The following TRPC7 variants were observed in gnomAD, a reference collection of about 807,000 sequenced individuals.
TRPC7 encodes short transient receptor potential channel 7.
A neutral mutation model predicts 90.1 loss-of-function variants in TRPC7; 42 were observed. The ratio of observed to expected loss-of-function variants is 0.47; its 90% CI spans 0.36 to 0.60. The LOEUF (loss-of-function observed/expected upper bound fraction) is 0.60. TRPC7 is among the 20% of genes least tolerant of loss of function. The pLI is 0.00. For synonymous variants in TRPC7, 451 were observed against 436.3 expected (o/e 1.03, Z -0.42); for missense variants, 955 against 1,112.3 (o/e 0.86, Z 2.01).
intron 1 of TRPC7, among the ~76,000 whole-genome samples, chr5:136,359,043 T>C (rs1179414554): frequency 6.6e-6 from 1 of 152,222 alleles, no homozygotes; most frequent in African/African-American, 2.4e-5. Context: ...CAAACAAAAA[T>C]GATCACAGAG....
At chr5:136,313,673 G>A (rs959470707) in intron 3 of TRPC7, among the ~76,000 whole-genome samples, 1 of 152,182 alleles carries the variant, frequency 6.6e-6, no homozygotes, top group Non-Finnish European at 1.5e-5. Flanking sequence ...TTGAGAAAAT[G>A]TATCCCTTGA....
chr5:136,304,831 T>G (rs1006423837), intron 3 of TRPC7, among the ~76,000 whole-genome samples: 1 of 152,106 alleles, frequency 6.6e-6, no homozygotes, highest in Non-Finnish European at 1.5e-5. Flanking sequence ...AAACAACAAC[T>G]CCTTTCCTTC....
At chr5:136,230,588 T>G (rs1209449255) in intron 8 of TRPC7, among the ~76,000 whole-genome samples, 1 of 152,206 alleles carries the variant, frequency 6.6e-6, no homozygotes, top group Non-Finnish European at 1.5e-5. Context: ...CAGCATCCCA[T>G]TTTTCAGATG....
intron 10 of TRPC7, 52 bp from the exon 11 acceptor site, chr5:136,216,327 C>A: frequency 6.8e-7 from 1 of 1,459,934 alleles, no homozygotes. Context: ...AATGCAGAGG[C>A]AGCCTGCGTG....
Position 136,356,761 on chromosome 5 carries a change from T to C in TRPC7, c.627A>G (p.Lys209=). The C allele has an allele frequency of 6.2e-7, 1 of 1,612,272 alleles. No homozygotes were observed. Among genetic ancestry groups the C allele is most frequent in the Non-Finnish European group, 8.5e-7 (1 of 1,178,932 alleles). Residue 209 remains lysine, a synonymous_variant, in exon 2 of 12, where the codon AAA becomes AAG. Coordinates refer to ENST00000513104, the MANE Select transcript of TRPC7 (RefSeq NM_020389.3). ...GCGAGCGCGAGTGGCTGAAGGAGTC[T>C]TTCCGCTGTTTCTCGGTGCACTCAT... is the stretch of plus-strand genomic sequence containing the variant. The part of the protein sequence containing the change: ...KCNECTEKQR[K]DSFSHSRSRM...
chr5:136,241,487 C>T (rs1053831893), intron 7 of TRPC7, among the ~76,000 whole-genome samples: 12 of 152,192 alleles, frequency 7.9e-5, no homozygotes, highest in African/African-American at 2.7e-4. Context: ...GCCTCCGGCC[C>T]CTCCTATTCT....
intron 3 of TRPC7, among the ~76,000 whole-genome samples, chr5:136,292,959 C>T (rs1405270647): frequency 6.6e-6 from 1 of 152,202 alleles, no homozygotes; most frequent in Non-Finnish European, 1.5e-5. Context: ...ATCAAGTGGG[C>T]TTCATCCCTG....
At chr5:136,267,823 A>G (rs1427611320) in intron 4 of TRPC7, among the ~76,000 whole-genome samples, 2 of 152,228 alleles carry the variant, frequency 1.3e-5, no homozygotes, top group Non-Finnish European at 2.9e-5. Context: ...ATTCATCTGC[A>G]TATTGTCATA....
At chr5:136,285,089 C>A (rs576971615) in intron 3 of TRPC7, among the ~76,000 whole-genome samples, 44 of 152,270 alleles carry the variant, frequency 2.9e-4, no homozygotes, top group African/African-American at 1.0e-3. Flanking sequence ...AGCCTCAGAA[C>A]CTGGCATGTT....
intron 2 of TRPC7, among the ~76,000 whole-genome samples, chr5:136,352,835 T>C (rs1760241213): frequency 6.6e-6 from 1 of 152,228 alleles, no homozygotes; most frequent in South Asian, 2.1e-4. Flanking sequence ...TTAATGTGTA[T>C]GGACTTTGTG....
chr5:136,273,026 CA>C (rs1757255287), intron 4 of TRPC7, among the ~76,000 whole-genome samples: 1 of 152,218 alleles, frequency 6.6e-6, no homozygotes, highest in African/African-American at 2.4e-5. Flanking sequence ...AGAGGCAAGC[CA>C]GTTTGCTCCT....
At position 136,266,340 on chromosome 5, in the gene TRPC7, G is replaced by A. The variant is rs780523861; in HGVS notation, c.1225C>T (p.Arg409Ter). The A allele has an allele frequency of 1.9e-6, 3 of 1,613,810 alleles. No homozygotes were observed. The highest frequency in any genetic ancestry group is 2.7e-5 in the African/African-American group (2 of 75,010). ...LGLLVVNASD[R>*]FEGVKTLPNE... ...GGCAGGGTTTTAACACCTTCAAATCGGTCAGATGCATTCACAACTAATAAT... is the reference window on the plus strand; with the variant it reads ...GGCAGGGTTTTAACACCTTCAAATCAGTCAGATGCATTCACAACTAATAAT... The change falls in exon 5 of 12, where the codon CGA becomes TGA. Residue 409 changes from arginine to a stop codon, truncating the protein, a stop_gained. Transcript: ENST00000513104. LOFTEE classifies it high-confidence loss of function.
chr5:136,290,838 G>A (rs1191459125), intron 3 of TRPC7, among the ~76,000 whole-genome samples: 6 of 152,156 alleles, frequency 3.9e-5, no homozygotes, highest in Non-Finnish European at 8.8e-5. Flanking sequence ...AAACATAATT[G>A]TCAGATTCAC....
chr5:136,323,553 T>G (rs1759261576), intron 2 of TRPC7, among the ~76,000 whole-genome samples: 1 of 152,040 alleles, frequency 6.6e-6, no homozygotes, highest in Non-Finnish European at 1.5e-5. Context: ...TTATTGCACA[T>G]GGATGTTCAT....
chr5:136,316,761 C>A lies in TRPC7; in HGVS notation c.781-982G>T, dbSNP rs530561130. Among the ~76,000 whole-genome samples the A allele has an allele frequency of 3.3e-5, 5 of 152,268 alleles. No individual in the cohort carries two copies. The South Asian group carries it at 1.0e-3, about 32-fold the overall frequency. ...ACCTCTCCTCCCCAAAAATATTTTC[C>A]CTCAGAGGCCTCCTTGCTGGTTTCT... On this transcript the variant is annotated intron_variant, in intron 2 of 11. Transcript: ENST00000513104.
intron 5 of TRPC7, among the ~76,000 whole-genome samples, chr5:136,254,337 G>C (rs1013680604): frequency 6.6e-6 from 1 of 152,186 alleles, no homozygotes; most frequent in South Asian, 2.1e-4. Flanking sequence ...TGGTTTCAAA[G>C]CTGTGTAGGG....
intron 3 of TRPC7, among the ~76,000 whole-genome samples, chr5:136,292,400 G>A (rs1757990209): frequency 1.3e-5 from 2 of 152,034 alleles, no homozygotes; most frequent in African/African-American, 4.8e-5. Flanking sequence ...CCACTAGCAA[G>A]ACTAATAAAG....
intron 5 of TRPC7, among the ~76,000 whole-genome samples, chr5:136,257,455 G>A (rs1003082482): frequency 6.6e-6 from 1 of 152,078 alleles, no homozygotes; most frequent in African/African-American, 2.4e-5. Context: ...TGCTGGGATT[G>A]CAGGCATGAG....
At position 136,301,152 on chromosome 5, in the gene TRPC7, G is replaced by T. The variant is rs139211248; in HGVS notation, c.963+14445C>A. Among the ~76,000 whole-genome samples the T allele has an allele frequency of 8.9e-3, 1,358 of 151,988 alleles. 17 individuals are homozygous for T. The highest frequency in any genetic ancestry group is 0.031 in the African/African-American group (1,289 of 41,444). On this transcript the variant is annotated intron_variant, in intron 3 of 11. Transcript: ENST00000513104. Reference sequence around the variant, plus strand: ...TCAAGCAATTCTGCCTCAGCCTCCCGAGTAGCTGGGACTACAGGCACACAC... The same window carrying T: ...TCAAGCAATTCTGCCTCAGCCTCCCTAGTAGCTGGGACTACAGGCACACAC...
Sources: gnomAD v4.1 joint callset for allele counts (sites outside exome capture counted in the v4.1 genomes callset) on GRCh38, gnomAD v4.1.1 for gene constraint, MANE v1.5 for transcripts, NCBI Gene and HGNC (gene_info 2026-07-23, HGNC 2026-07-21) for gene names.